The following MARCHF11 variants were observed in gnomAD, a reference collection of about 807,000 sequenced individuals.
MARCHF11 encodes the protein E3 ubiquitin-protein ligase MARCHF11.
In MARCHF11, 29 loss-of-function variants were observed where a neutral mutation model predicts 37.3. The ratio of observed to expected loss-of-function variants is 0.78; its 90% CI spans 0.58 to 1.06. The LOEUF is 1.06. MARCHF11 is among the 50% of genes least tolerant of loss of function. MARCHF11 has a pLI of 0.00. For missense variants in MARCHF11, 482 were observed against 533.4 expected (o/e 0.90, Z 0.95); for synonymous variants, 233 against 228.0 (o/e 1.02, Z -0.20).
intron 2 of MARCHF11, among the ~76,000 whole-genome samples, chr5:16,140,370 C>A (rs5006462): frequency 6.6e-6 from 1 of 151,814 alleles, no homozygotes; most frequent in Non-Finnish European, 1.5e-5. Context: ...TCATAAAAGC[C>A]CCTTGGCTTA....
chr5:16,174,640 T>A (rs550203411), intron 2 of MARCHF11, among the ~76,000 whole-genome samples: 1 of 152,308 alleles, frequency 6.6e-6, no homozygotes, highest in South Asian at 2.1e-4. Context: ...TGAAAGTGCT[T>A]GAGGATATAC....
intron 2 of MARCHF11, among the ~76,000 whole-genome samples, chr5:16,170,913 G>C (rs1449779128): frequency 6.6e-6 from 1 of 152,042 alleles, no homozygotes; most frequent in African/African-American, 2.4e-5. Flanking sequence ...ATGTATTCCA[G>C]GACTCACAGA....
At chr5:16,125,825 T>C (rs1737396473) in intron 2 of MARCHF11, among the ~76,000 whole-genome samples, 1 of 152,172 alleles carries the variant, frequency 6.6e-6, no homozygotes, top group African/African-American at 2.4e-5. Context: ...ACAAATCCCT[T>C]ATGGGTTAAC....
chr5:16,173,083 G>A (rs763578127), intron 2 of MARCHF11, among the ~76,000 whole-genome samples: 5 of 152,210 alleles, frequency 3.3e-5, no homozygotes, highest in Admixed American at 6.5e-5. Flanking sequence ...ATAAAAAACA[G>A]TATAGGCCAA....
chr5:16,175,023 G>T (rs1230256615), intron 2 of MARCHF11, among the ~76,000 whole-genome samples: 3 of 152,180 alleles, frequency 2.0e-5, no homozygotes, highest in Non-Finnish European at 2.9e-5. Context: ...CTATCACAGT[G>T]AAAAGCAGCA....
chr5:16,158,750 G>A (rs1738024850), intron 2 of MARCHF11, among the ~76,000 whole-genome samples: 1 of 151,822 alleles, frequency 6.6e-6, no homozygotes, highest in East Asian at 1.9e-4. Flanking sequence ...GGATGTGCAG[G>A]TTTGTTACAT....
chr5:16,126,013 G>A (rs1024829748), intron 2 of MARCHF11, among the ~76,000 whole-genome samples: 1 of 152,134 alleles, frequency 6.6e-6, no homozygotes, highest in Non-Finnish European at 1.5e-5. Context: ...AGACTAATTC[G>A]AATAAGTGTT....
chr5:16,133,909 A>G (rs1479352411), intron 2 of MARCHF11, among the ~76,000 whole-genome samples: 2 of 152,136 alleles, frequency 1.3e-5, no homozygotes, highest in African/African-American at 4.8e-5. Context: ...AGCTTGTACA[A>G]GGTTGGTTTG....
chr5:16,082,187 A>G (rs1736621049), intron 3 of MARCHF11, among the ~76,000 whole-genome samples: 1 of 152,208 alleles, frequency 6.6e-6, no homozygotes, highest in Non-Finnish European at 1.5e-5. Flanking sequence ...TGCTCAAAGC[A>G]TGAAGGATCC....
chr5:16,120,228 C>A (rs1273828517), intron 2 of MARCHF11, among the ~76,000 whole-genome samples: 1 of 152,190 alleles, frequency 6.6e-6, no homozygotes, highest in Non-Finnish European at 1.5e-5. Flanking sequence ...GAGAACATTG[C>A]ATAATAAAAC....
chr5:16,109,484 G>A (rs560417159), intron 2 of MARCHF11, among the ~76,000 whole-genome samples: 77 of 152,222 alleles, frequency 5.1e-4, no homozygotes, highest in Non-Finnish European at 8.7e-4. Context: ...CCGGAGGATG[G>A]TGCCCGGAGA....
intron 2 of MARCHF11, among the ~76,000 whole-genome samples, chr5:16,133,288 C>T (rs1266800143): frequency 1.3e-5 from 2 of 152,074 alleles, no homozygotes; most frequent in Non-Finnish European, 1.5e-5. Flanking sequence ...AGTTCTAAAC[C>T]TTCCTTGGAA....
intron 2 of MARCHF11, among the ~76,000 whole-genome samples, chr5:16,136,634 A>G (rs1327873842): frequency 6.6e-6 from 1 of 152,214 alleles, no homozygotes; most frequent in Non-Finnish European, 1.5e-5. Context: ...GTAACTAACA[A>G]AACTTGGAGG....
At chr5:16,107,689 C>T (rs909966833) in intron 2 of MARCHF11, among the ~76,000 whole-genome samples, 2 of 151,692 alleles carry the variant, frequency 1.3e-5, no homozygotes, top group Non-Finnish European at 2.9e-5. Context: ...TTTGGCCGAT[C>T]ACGCCCCCCT....
At chr5:16,135,384 A>G (rs1737590937) in intron 2 of MARCHF11, among the ~76,000 whole-genome samples, 1 of 152,184 alleles carries the variant, frequency 6.6e-6, no homozygotes, top group Non-Finnish European at 1.5e-5. Context: ...AATTAAGTAC[A>G]TTATTGAAAC....
At chr5:16,134,806 T>C (rs1023747836) in intron 2 of MARCHF11, among the ~76,000 whole-genome samples, 1 of 152,128 alleles carries the variant, frequency 6.6e-6, no homozygotes, top group Non-Finnish European at 1.5e-5. Context: ...ATGTAAAGAA[T>C]ATTTACCAAC....
chr5:16,105,798 T>G (rs991575986), intron 2 of MARCHF11, among the ~76,000 whole-genome samples: 4 of 152,222 alleles, frequency 2.6e-5, no homozygotes, highest in Admixed American at 2.6e-4. Context: ...GTTTTGTTTT[T>G]TTTCAATTTC....
At chr5:16,128,950 T>C (rs1737465376) in intron 2 of MARCHF11, among the ~76,000 whole-genome samples, 1 of 152,224 alleles carries the variant, frequency 6.6e-6, no homozygotes, top group Non-Finnish European at 1.5e-5. Context: ...TGCCCTGTTG[T>C]ACTTATTTCC....
intron 3 of MARCHF11, among the ~76,000 whole-genome samples, chr5:16,081,108 C>T (rs1291692314): frequency 6.6e-6 from 1 of 152,184 alleles, no homozygotes. Context: ...TAAAATTCTT[C>T]TCCCCCATAG....
Sources: allele counts gnomAD v4.1 joint callset (sites outside exome capture counted in the v4.1 genomes callset), GRCh38; gene constraint gnomAD v4.1.1; transcripts MANE v1.5; gene names NCBI Gene and HGNC (gene_info 2026-07-23, HGNC 2026-07-21).